The following GRIK3 variants were observed in gnomAD, a reference collection of about 807,000 sequenced individuals.
The protein encoded by GRIK3 is glutamate receptor ionotropic, kainate 3.
In GRIK3, 29 loss-of-function variants were observed where a neutral mutation model predicts 102.5. The ratio of observed to expected loss-of-function variants is 0.28; its 90% CI spans 0.21 to 0.39. The LOEUF is 0.39. Ranked by LOEUF, GRIK3 falls within the 10% of genes least tolerant of loss-of-function variation. GRIK3 has a pLI of 1.00. For synonymous variants in GRIK3, 511 were observed against 504.9 expected (o/e 1.01, Z -0.16); for missense variants, 908 against 1,252.4 (o/e 0.73, Z 4.15).
At chr1:36,849,734 G>T (rs375837485) in intron 9 of GRIK3, 2 of 153,100 alleles carry the variant, frequency 1.3e-5, no homozygotes, top group African/African-American at 4.8e-5. Flanking sequence ...AGAGCCCATG[G>T]GAGGCCCCCA....
In GRIK3 at chr1:36,956,471, G is replaced by A. The variant is rs76015792; in HGVS notation, c.116-65375C>T. ...ATGCCCACCGGAGAGGGAAAAACCC[G>A]CTAACTCCTTCCACGCTGGTGTGTG... On this transcript the variant is annotated intron_variant, in intron 1 of 15. Coordinates refer to ENST00000373091, the MANE Select transcript of GRIK3 (RefSeq NM_000831.4). Among the ~76,000 whole-genome samples the A allele has an allele frequency of 4.3e-3, 658 of 152,236 alleles. 3 individuals are homozygous for A. Among genetic ancestry groups the A allele is most frequent in the African/African-American group, 0.015 (630 of 41,526 alleles).
At chr1:36,873,853 A>G (rs1381285485) in intron 3 of GRIK3, among the ~76,000 whole-genome samples, 1 of 152,194 alleles carries the variant, frequency 6.6e-6, no homozygotes, top group East Asian at 1.9e-4. Context: ...AGGGTGAGAA[A>G]CACTCCCTTT....
chr1:36,919,415 C>G (rs911661965), intron 1 of GRIK3, among the ~76,000 whole-genome samples: 11 of 151,224 alleles, frequency 7.3e-5, no homozygotes, highest in African/African-American at 2.4e-4. Flanking sequence ...TACATGTGCA[C>G]AATGTGCAGG....
intron 1 of GRIK3, among the ~76,000 whole-genome samples, chr1:36,935,919 ATTGCTTTC>A: frequency 6.6e-6 from 1 of 152,168 alleles, no homozygotes; most frequent in East Asian, 1.9e-4. Context: ...ACTCCCTCAG[ATTGCTTTC>A]TGAAATTTTG....
intron 4 of GRIK3, among the ~76,000 whole-genome samples, chr1:36,871,354 A>G (rs530891016): frequency 3.5e-4 from 54 of 152,268 alleles, no homozygotes; most frequent in African/African-American, 1.2e-3. Context: ...GGCCTCGAGA[A>G]CACTCCGGCT....
In GRIK3 at chr1:36,909,368, G is replaced by A. The variant is rs140017965; in HGVS notation, c.116-18272C>T. On this transcript the variant is annotated intron_variant, in intron 1 of 15. Coordinates refer to ENST00000373091, the MANE Select transcript of GRIK3 (RefSeq NM_000831.4). ...GGCTGGAGTGCAGTGGCACAATCTC[G>A]GTTCACTGCAACCTCCACCTCCTGG... is the stretch of plus-strand genomic sequence containing the variant. Among the ~76,000 whole-genome samples the A allele has an allele frequency of 5.1e-3, 765 of 150,882 alleles. 4 individuals are homozygous for A. The highest frequency in any genetic ancestry group is 0.018 in the African/African-American group (728 of 41,076).
At chr1:36,822,302 C>T (rs930980010) in intron 11 of GRIK3, among the ~76,000 whole-genome samples, 4 of 152,194 alleles carry the variant, frequency 2.6e-5, no homozygotes, top group South Asian at 4.1e-4. Context: ...TAAAAATAAC[C>T]GCTTCTAGAA....
chr1:36,882,884 T>TA (rs1323931877), intron 2 of GRIK3, among the ~76,000 whole-genome samples: 4 of 152,324 alleles, frequency 2.6e-5, no homozygotes, highest in African/African-American at 9.6e-5. Flanking sequence ...AACCAAGACT[T>TA]ACGCCATTTA....
intron 1 of GRIK3, among the ~76,000 whole-genome samples, chr1:36,911,023 G>C (rs1435618290): frequency 6.6e-6 from 1 of 152,200 alleles, no homozygotes; most frequent in Non-Finnish European, 1.5e-5. Flanking sequence ...CACCTGACCT[G>C]CTCGGAGCTG....
At chr1:37,022,574 C>A (rs559893702) in intron 1 of GRIK3, among the ~76,000 whole-genome samples, 1 of 152,186 alleles carries the variant, frequency 6.6e-6, no homozygotes, top group African/African-American at 2.4e-5. Flanking sequence ...TCTAAAAGGT[C>A]CTGGCACAGA....
At chr1:36,848,097 G>T (rs139633521) in intron 9 of GRIK3, among the ~76,000 whole-genome samples, 70 of 152,312 alleles carry the variant, frequency 4.6e-4, no homozygotes, top group African/African-American at 1.6e-3. Context: ...CGAGAGCATG[G>T]GGTGTCTCCT....
Position 36,880,949 on chromosome 1 carries a change from A to G in GRIK3, c.293-58T>C. 3 of 1,518,858 alleles carry G rather than the reference A, an allele frequency of 2.0e-6. No individual in the cohort carries two copies. The highest frequency in any genetic ancestry group is 2.0e-5 in the Admixed American group (1 of 50,596). 94.1% of individuals were successfully genotyped at this position (1,518,858 alleles called of 1,614,324 possible). On this transcript the variant is annotated intron_variant, in intron 2 of 15. Coordinates refer to ENST00000373091, the MANE Select transcript of GRIK3 (RefSeq NM_000831.4). The surrounding 1 kb of genome is among the most constrained non-coding windows in gnomAD (Gnocchi z 5.4). ...GCACTGGGGCTGTGGGTATGGGGAC[A>G]GTGATGCTGATGATCCTGTAAACAT... is the stretch of plus-strand genomic sequence containing the variant.
At chr1:36,821,715 G>A (rs1335021967) in intron 11 of GRIK3, among the ~76,000 whole-genome samples, 2 of 152,210 alleles carry the variant, frequency 1.3e-5, no homozygotes, top group Admixed American at 6.5e-5. Flanking sequence ...GATGCCATGG[G>A]GCACAGGCTG....
Position 36,806,146 on chromosome 1 carries a change from C to T in GRIK3, c.2272G>A (p.Gly758Ser). 1 of 1,614,056 alleles carries T rather than the reference C, an allele frequency of 6.2e-7. No individual in the cohort carries two copies. Among genetic ancestry groups the T allele is most frequent in the South Asian group, 1.1e-5 (1 of 91,076 alleles). Residue 758 changes from glycine (G) to serine (S), a missense_variant, in exon 14 of 16, where the codon GGC becomes AGC. Gly to Ser is a moderately conservative substitution (Grantham distance 56). Transcript: ENST00000373091. This position sits in a 1 kb window ranked among gnomAD's most constrained non-coding sequence, Gnocchi z 4.0. ...CCGTAGCCCTTGGAGTCAATGAGGCCCCCGATCTGGGTGAGGTTGCAGTTC... is the reference window on the plus strand; with the variant it reads ...CCGTAGCCCTTGGAGTCAATGAGGCTCCCGATCTGGGTGAGGTTGCAGTTC... ...QRNCNLTQIGGLIDSKGYGIG... is the reference protein window; with the variant it reads ...QRNCNLTQIGSLIDSKGYGIG...
intron 1 of GRIK3, among the ~76,000 whole-genome samples, chr1:36,944,002 T>G (rs1641756072): frequency 6.6e-6 from 1 of 152,224 alleles, no homozygotes. Context: ...AAGATGCCCC[T>G]GGCCCTTGGT....
At chr1:36,976,369 T>G (rs1642196604) in intron 1 of GRIK3, among the ~76,000 whole-genome samples, 1 of 152,046 alleles carries the variant, frequency 6.6e-6, no homozygotes, top group South Asian at 2.1e-4. Context: ...AATGTGCATT[T>G]TTTTTCGGGG....
chr1:36,966,943 T>C (rs1322945487), intron 1 of GRIK3, among the ~76,000 whole-genome samples: 1 of 152,068 alleles, frequency 6.6e-6, no homozygotes. Flanking sequence ...GATACAATGG[T>C]TTAAAAAAAG....
At position 36,819,081 on chromosome 1, in the gene GRIK3, C is replaced by T. The variant is rs1262883699; in HGVS notation, c.1873+655G>A. 6.6e-6 allele frequency among the ~76,000 whole-genome samples: 1 copy of T among 152,212 alleles called. No individual in the cohort carries two copies. The highest frequency in any genetic ancestry group is 6.5e-5 in the Admixed American group (1 of 15,282). On this transcript the variant is annotated intron_variant, in intron 12 of 15. Coordinates refer to ENST00000373091, the MANE Select transcript of GRIK3 (RefSeq NM_000831.4). This position sits in a 1 kb window ranked among gnomAD's most constrained non-coding sequence, Gnocchi z 4.1. The stretch of plus-strand genomic sequence containing the variant: ...AGCAGGTGCTCTGCTGCAGATAGTT[C>T]CAAAGCACATTGGCCCTCCCTCCAG...
chr1:36,819,634 T>C lies in GRIK3; in HGVS notation c.1873+102A>G. The C allele has an allele frequency of 1.4e-6, 1 of 705,286 alleles. No individual in the cohort carries two copies. The highest frequency in any genetic ancestry group is 2.6e-6 in the Non-Finnish European group (1 of 380,910). The allele number at this position is 705,286 out of a possible 1,614,324, so 43.7% of individuals were successfully genotyped here. A position where few individuals can be genotyped will look rare whatever the true frequency, so the allele number is the denominator to read the frequency against. On this transcript the variant is annotated intron_variant, in intron 12 of 15. Transcript: ENST00000373091. The surrounding 1 kb of genome is among the most constrained non-coding windows in gnomAD (Gnocchi z 4.1). ...CTGCCGGCTCATCAGGGTCTGAGGC[T>C]ACCCCTAGAGGTGTGGGCTGGCTCT...
Sources: gnomAD v4.1 joint callset for allele counts (sites outside exome capture counted in the v4.1 genomes callset) on GRCh38, gnomAD v4.1.1 for gene constraint, Gnocchi (gnomAD v3.1) non-coding constraint, MANE v1.5 for transcripts, NCBI Gene and HGNC (gene_info 2026-07-23, HGNC 2026-07-21) for gene names.